RNF123: variants seen among roughly 807,000 people sequenced by gnomAD.
RNF123 encodes E3 ubiquitin-protein ligase RNF123.
RNF123 carries 86 observed loss-of-function variants against 168.5 expected under a neutral mutation model. The observed-to-expected ratio is 0.51, with a 90% CI of 0.43 to 0.61. RNF123 has a LOEUF of 0.61. Among genes scored for constraint, RNF123 ranks in the 20% least tolerant of loss-of-function variants. The pLI, the probability that RNF123 is intolerant of heterozygous loss-of-function variation, is 0.00. For synonymous variants in RNF123, 666 were observed against 689.1 expected (o/e 0.97, Z 0.52); for missense variants, 1,419 against 1,729.7 (o/e 0.82, Z 3.19).
chr3:49,718,802 G>A (rs2080313472), intron 35 of RNF123: 1 of 1,613,230 alleles, frequency 6.2e-7, no homozygotes, highest in Non-Finnish European at 8.5e-7. Flanking sequence ...CAGTCGCAAG[G>A]CAAAGGGTTG....
intron 20 of RNF123, 118 bp downstream of exon 20, chr3:49,702,871 C>A (rs2054434172): frequency 6.8e-7 from 1 of 1,477,474 alleles, no homozygotes; most frequent in Non-Finnish European, 9.2e-7. Flanking sequence ...TTGTCCCCGG[C>A]ATCCTGCCTG....
chr3:49,713,680 G>A (rs1043661713), intron 28 of RNF123, 58 bp from the exon 29 acceptor site: 1 of 1,572,156 alleles, frequency 6.4e-7, no homozygotes, highest in African/African-American at 1.3e-5. Context: ...AGGTGGGCAT[G>A]AAGTATGGGT....
At chr3:49,704,196 C>T (rs906133163) in intron 21 of RNF123, among the ~76,000 whole-genome samples, 1 of 151,896 alleles carries the variant, frequency 6.6e-6, no homozygotes, top group Admixed American at 6.6e-5. Flanking sequence ...GTTGTCAGCA[C>T]GGTGGTGGGG....
rs764842978 is a variant in RNF123, at chr3:49,699,651, C to T, written c.880-17C>T. 1.2e-6 allele frequency: 2 copies of T among 1,613,396 alleles called. No individual in the cohort carries two copies. The highest frequency in any genetic ancestry group is 1.7e-6 in the Non-Finnish European group (2 of 1,179,624). ...CCTCCTGCCCCTCACACTTCTCCCT[C>T]CTCCCCCTCCACACAGGAGGGGCGG... is the stretch of plus-strand genomic sequence containing the variant. On this transcript the variant is annotated splice_polypyrimidine_tract_variant and intron_variant, in intron 11 of 38. Transcript: ENST00000327697. This position sits in a 1 kb window ranked among gnomAD's most constrained non-coding sequence, Gnocchi z 4.8.
In RNF123 at chr3:49,698,832, C is replaced by T; in HGVS notation, c.638+10C>T. ...CTCTGTCCTTCTGCCTGTGAGTTTC[C>T]TATCTCTATGCACAGGCCTGGCCCC... On this transcript the variant is annotated intron_variant, in intron 9 of 38. Transcript: ENST00000327697. 6.2e-7 allele frequency: 1 copy of T among 1,613,850 alleles called. No individual in the cohort carries two copies. The highest frequency in any genetic ancestry group is 2.2e-5 in the East Asian group (1 of 44,880).
At chr3:49,706,713 C>G in intron 25 of RNF123, 78 bp from the exon 26 acceptor site, 1 of 1,316,446 alleles carries the variant, frequency 7.6e-7, no homozygotes, top group Non-Finnish European at 1.1e-6. Flanking sequence ...AGGGCCCTTC[C>G]TAGGCTGCCT....
At chr3:49,719,700 T>G in intron 35 of RNF123, 1 of 509,196 alleles carries the variant, frequency 2.0e-6, no homozygotes, top group Non-Finnish European at 3.6e-6. Context: ...GAGTTCCTGA[T>G]CGGCTCCTAA....
chr3:49,698,901 G>A, intron 9 of RNF123, 79 bp downstream of exon 9: 3 of 1,606,988 alleles, frequency 1.9e-6, no homozygotes, highest in South Asian at 1.1e-5. Context: ...GCCCTGTAAG[G>A]GGCCAGACTG....
intron 3 of RNF123, among the ~76,000 whole-genome samples, chr3:49,696,753 T>C (rs2054277556): frequency 6.6e-6 from 1 of 151,864 alleles, no homozygotes; most frequent in African/African-American, 2.4e-5. Flanking sequence ...TTCAAGCTAT[T>C]CTCCTGCCTC....
intron 7 of RNF123, 126 bp downstream of exon 7, chr3:49,698,263 G>A (rs2054307814): frequency 1.0e-6 from 1 of 973,020 alleles, no homozygotes; most frequent in Non-Finnish European, 1.6e-6. Context: ...GCCCTCTGGA[G>A]AAGAAACGTG....
In RNF123 at chr3:49,702,382, C is replaced by T; in HGVS notation, c.1606C>T (p.Gln536Ter). The change falls in exon 19 of 39, where the codon CAG becomes TAG. Residue 536 changes from glutamine to a stop codon, truncating the protein, a stop_gained. Coordinates refer to ENST00000327697, the MANE Select transcript of RNF123 (RefSeq NM_022064.5). LOFTEE classifies it high-confidence loss of function. The stretch of plus-strand genomic sequence containing the variant: ...CCTGACCAAGTTTCGCAAGTTTCTG[C>T]AGGAGAACGCCAGTGGCCGGGGGGT... The part of the protein sequence containing the change: ...IFLTKFRKFL[Q>*]ENASGRGNMP... The T allele has an allele frequency of 6.2e-7, 1 of 1,614,210 alleles. No homozygotes were observed. The highest frequency in any genetic ancestry group is 8.5e-7 in the Non-Finnish European group (1 of 1,180,026).
Position 49,699,225 on chromosome 3 carries a change from G to T in RNF123, c.764+120G>T, listed in dbSNP as rs1400471562. The T allele has an allele frequency of 4.4e-6, 6 of 1,375,268 alleles. No homozygotes were observed. The highest frequency in any genetic ancestry group is 4.9e-6 in the Non-Finnish European group (5 of 1,014,376). The allele number at this position is 1,375,268 out of a possible 1,614,324, so 85.2% of individuals were successfully genotyped here. A position where few individuals can be genotyped will look rare whatever the true frequency, so the allele number is the denominator to read the frequency against. ...GCAGGCCCTGGCTGCTGCAGAGTTA[G>T]TGGGGGGCCATGTAGAGTGTCGAAG... is the stretch of plus-strand genomic sequence containing the variant. On this transcript the variant is annotated intron_variant, in intron 10 of 38. Coordinates refer to ENST00000327697, the MANE Select transcript of RNF123 (RefSeq NM_022064.5). The surrounding 1 kb of genome is among the most constrained non-coding windows in gnomAD (Gnocchi z 4.8).
chr3:49,694,375 A>G (rs2054227782), intron 3 of RNF123, among the ~76,000 whole-genome samples: 1 of 152,224 alleles, frequency 6.6e-6, no homozygotes, highest in African/African-American at 2.4e-5. Flanking sequence ...ATCAAATGTT[A>G]TCCCGTGAGT....
At chr3:49,690,540 G>T (rs562601311) in intron 1 of RNF123, among the ~76,000 whole-genome samples, 1 of 152,236 alleles carries the variant, frequency 6.6e-6, no homozygotes, top group Non-Finnish European at 1.5e-5. Flanking sequence ...GGCAAGGGTG[G>T]TGCTTGGATG....
At position 49,699,325 on chromosome 3, in the gene RNF123, C is replaced by G. The variant is rs528679262; in HGVS notation, c.765-143C>G. On this transcript the variant is annotated intron_variant, in intron 10 of 38. Transcript: ENST00000327697. The surrounding 1 kb of genome is among the most constrained non-coding windows in gnomAD (Gnocchi z 4.8). ...GAACAGATGAGGAATGTGAAGCATC[C>G]TCCCTAGGGAGAATAAGTGGGCAAG... 15 of 918,884 alleles carry G rather than the reference C, an allele frequency of 1.6e-5. No individual in the cohort carries two copies. Among genetic ancestry groups the G allele is most frequent in the Non-Finnish European group, 2.5e-5 (15 of 607,322 alleles). The allele number at this position is 918,884 out of a possible 1,614,324, so 56.9% of individuals were successfully genotyped here. A position where few individuals can be genotyped will look rare whatever the true frequency, so the allele number is the denominator to read the frequency against.
chr3:49,720,476 G>A, intron 35 of RNF123, 35 bp from the exon 36 acceptor site: 1 of 1,515,760 alleles, frequency 6.6e-7, no homozygotes, highest in South Asian at 1.3e-5. Flanking sequence ...CAGGCCCCAA[G>A]CCTTCTGACT....
chr3:49,717,920 TG>T (rs1235872274), intron 35 of RNF123: 8 of 1,566,924 alleles, frequency 5.1e-6, no homozygotes, highest in Non-Finnish European at 6.9e-6. Context: ...AGCAAGAGGG[TG>T]GGGGCCTGGG....
At chr3:49,719,380 C>CG in intron 35 of RNF123, 1 of 1,613,602 alleles carries the variant, frequency 6.2e-7, no homozygotes, top group Non-Finnish European at 8.5e-7. Flanking sequence ...GTGGAGCGCA[C>CG]GGGGCGGGAA....
chr3:49,691,143 T>C lies in RNF123; in HGVS notation c.-23T>C. ...TGTCTGGCTCAGCCCCCAGGACCAC[T>C]GGCTGCCCATGAGAGATGAAGGATG... is the stretch of plus-strand genomic sequence containing the variant. On this transcript the variant is annotated 5_prime_UTR_variant, in exon 2 of 39. Coordinates refer to ENST00000327697, the MANE Select transcript of RNF123 (RefSeq NM_022064.5). The C allele has an allele frequency of 2.5e-6, 4 of 1,612,146 alleles. No individual in the cohort carries two copies. The highest frequency in any genetic ancestry group is 1.7e-4 in the Middle Eastern group (1 of 5,956).
Sources: allele counts gnomAD v4.1 joint callset (sites outside exome capture counted in the v4.1 genomes callset), GRCh38; gene constraint gnomAD v4.1.1; non-coding constraint Gnocchi (gnomAD v3.1); transcripts MANE v1.5; gene names NCBI Gene and HGNC (gene_info 2026-07-23, HGNC 2026-07-21).